The following MYOM2 variants were observed in gnomAD, a reference collection of about 807,000 sequenced individuals.
MYOM2 encodes the protein myomesin-2.
MYOM2 carries 254 observed loss-of-function variants against 187.6 expected under a neutral mutation model. The observed-to-expected ratio is 1.35, with a 90% CI of 1.22 to 1.50. The LOEUF is 1.50. MYOM2 is among the 40% of genes most tolerant of loss of function. MYOM2 has a pLI of 0.00. For synonymous variants in MYOM2, 981 were observed against 753.8 expected, an observed-to-expected ratio of 1.30 and a Z score of -4.94; for missense variants, 2,796 against 1,924.0, an observed-to-expected ratio of 1.45 and a Z score of -8.48.
At chr8:2,068,492 G>A (rs1334760413) in intron 6 of MYOM2, among the ~76,000 whole-genome samples, 1 of 149,414 alleles carries the variant, frequency 6.7e-6, no homozygotes, top group Admixed American at 6.7e-5. Flanking sequence ...GCTCTTCAAT[G>A]CCCGTGTGCA....
At chr8:2,090,660 A>C (rs1029906940) in intron 15 of MYOM2, among the ~76,000 whole-genome samples, 1 of 151,962 alleles carries the variant, frequency 6.6e-6, no homozygotes, top group African/African-American at 2.4e-5. Flanking sequence ...GTGTATTTCC[A>C]TCTATGTGTC....
chr8:2,089,507 T>C (rs1171234052), intron 14 of MYOM2, among the ~76,000 whole-genome samples: 2 of 152,108 alleles, frequency 1.3e-5, no homozygotes, highest in Admixed American at 1.3e-4. Context: ...TAAATGGCCA[T>C]GAGGTTTTTA....
chr8:2,076,056 G>A, intron 10 of MYOM2, 85 bp from the exon 11 acceptor site: 1 of 1,318,580 alleles, frequency 7.6e-7, no homozygotes, highest in Non-Finnish European at 1.0e-6. Flanking sequence ...GGATAGAATT[G>A]GAGCTTGGAG....
intron 23 of MYOM2, among the ~76,000 whole-genome samples, chr8:2,107,941 T>A (rs1219968776): frequency 6.6e-6 from 1 of 152,230 alleles, no homozygotes; most frequent in Non-Finnish European, 1.5e-5. Flanking sequence ...ACTTCAAATA[T>A]ATTTGAGGTA....
At chr8:2,133,397 G>A (rs1218064612) in intron 32 of MYOM2, among the ~76,000 whole-genome samples, 3 of 152,182 alleles carry the variant, frequency 2.0e-5, no homozygotes, top group Non-Finnish European at 4.4e-5. Flanking sequence ...CAGCGCTATT[G>A]AAACCTTCAG....
At chr8:2,060,618 C>T (rs1818820781) in intron 6 of MYOM2, among the ~76,000 whole-genome samples, 1 of 152,158 alleles carries the variant, frequency 6.6e-6, no homozygotes, top group South Asian at 2.1e-4. Context: ...CTCTGTTCTT[C>T]AGAGGAAAAG....
chr8:2,096,051 T>C (rs1289762060), intron 17 of MYOM2, among the ~76,000 whole-genome samples, 196 bp from the exon 18 acceptor site: 1 of 152,192 alleles, frequency 6.6e-6, no homozygotes, highest in Admixed American at 6.5e-5. Context: ...TTTTTATTTA[T>C]TTTTGTACTC....
chr8:2,134,219 GT>G (rs2116897706), intron 32 of MYOM2, among the ~76,000 whole-genome samples: 1 of 152,206 alleles, frequency 6.6e-6, no homozygotes, highest in East Asian at 1.9e-4. Context: ...CTGGCTCCTG[GT>G]TTCCCCCCTG....
chr8:2,113,253 G>A lies in MYOM2; in HGVS notation c.3181-2707G>A, dbSNP rs570788972. ...CTTGCATTACTGCTGCATTTAGGAT[G>A]AGTCACACACTGGGATGTGGTCCTT... On this transcript the variant is annotated intron_variant, in intron 25 of 36. Transcript: ENST00000262113. Among the ~76,000 whole-genome samples, 11 of 152,360 alleles carry A rather than the reference G, an allele frequency of 7.2e-5. No homozygotes were observed. In the South Asian group the frequency reaches 2.3e-3, roughly 32 times the overall value.
At chr8:2,076,758 T>G (rs1819438364) in intron 11 of MYOM2, 1 of 153,168 alleles carries the variant, frequency 6.5e-6, no homozygotes, top group South Asian at 2.1e-4. Context: ...TCTTCTTGTT[T>G]CCAAGTGAAA....
chr8:2,086,384 GCCT>G (rs1796053051), intron 14 of MYOM2, among the ~76,000 whole-genome samples: 3 of 118,468 alleles, frequency 2.5e-5, no homozygotes, highest in African/African-American at 1.3e-4. Flanking sequence ...TCTCTGCGTG[GCCT>G]CCCACTGTTG....
intron 25 of MYOM2, among the ~76,000 whole-genome samples, chr8:2,113,446 T>C (rs945088604): frequency 1.3e-5 from 2 of 151,968 alleles, no homozygotes; most frequent in Non-Finnish European, 2.9e-5. Flanking sequence ...CCTTGGGAGG[T>C]CTCTACCCCA....
At chr8:2,141,741 C>T (rs997042213) in intron 34 of MYOM2, among the ~76,000 whole-genome samples, 1 of 152,136 alleles carries the variant, frequency 6.6e-6, no homozygotes, top group African/African-American at 2.4e-5. Flanking sequence ...TATGGCCATG[C>T]TGACATTAGC....
At chr8:2,070,485 C>T (rs961580980) in intron 8 of MYOM2, among the ~76,000 whole-genome samples, 2 of 152,150 alleles carry the variant, frequency 1.3e-5, no homozygotes, top group African/African-American at 4.8e-5. Context: ...CAAAGTGAGC[C>T]TGGGGAGCCC....
rs1029310180 is a variant in MYOM2 at position 2,073,519 on chromosome 8, T to A, written c.1120+19T>A. On this transcript the variant is annotated intron_variant, in intron 10 of 36. Coordinates refer to ENST00000262113, the MANE Select transcript of MYOM2 (RefSeq NM_003970.4). ...GTCAGAGGTGCGGGCAGCAGGGTTC[T>A]CAGGGTGCAGACCTTGTGTGTGCCC... is the stretch of plus-strand genomic sequence containing the variant. 144 of 1,586,126 alleles carry A rather than the reference T, an allele frequency of 9.1e-5. No individual in the cohort carries two copies. The highest frequency in any genetic ancestry group is 1.2e-4 in the Non-Finnish European group (142 of 1,174,128).
chr8:2,134,772 G>A (rs1289520722), intron 32 of MYOM2, among the ~76,000 whole-genome samples: 2 of 152,040 alleles, frequency 1.3e-5, no homozygotes, highest in Non-Finnish European at 2.9e-5. Context: ...GCTTTTTCCA[G>A]TGTGTGTGCC....
chr8:2,138,986 G>A (rs1027970457), intron 32 of MYOM2, among the ~76,000 whole-genome samples: 63 of 141,296 alleles, frequency 4.5e-4, no homozygotes, highest in Middle Eastern at 3.5e-3. Flanking sequence ...CCAGAGACCC[G>A]ACACACACTG....
intron 13 of MYOM2, among the ~76,000 whole-genome samples, chr8:2,082,763 T>C (rs1470631063): frequency 6.6e-6 from 1 of 152,266 alleles, no homozygotes; most frequent in Non-Finnish European, 1.5e-5. Flanking sequence ...GCATTGGCTG[T>C]GCTTTCCTGG....
At chr8:2,049,082 C>T (rs899324396) in intron 1 of MYOM2, among the ~76,000 whole-genome samples, 7 of 152,164 alleles carry the variant, frequency 4.6e-5, no homozygotes, top group African/African-American at 9.7e-5. Context: ...TGAGCTACTG[C>T]GCCCGGCTGC....
Sources: gnomAD v4.1 joint callset for allele counts (sites outside exome capture counted in the v4.1 genomes callset) on GRCh38, gnomAD v4.1.1 for gene constraint, MANE v1.5 for transcripts, NCBI Gene and HGNC (gene_info 2026-07-23, HGNC 2026-07-21) for gene names.